The following PDS5B variants were observed in gnomAD, a reference collection of about 807,000 sequenced individuals.
PDS5B encodes the protein sister chromatid cohesion protein PDS5 homolog B.
In PDS5B, 51 loss-of-function variants were observed where a neutral mutation model predicts 184.1. The observed-to-expected ratio is 0.28, with a 90% CI of 0.22 to 0.35. PDS5B has a LOEUF of 0.35. Among genes scored for constraint, PDS5B ranks in the 10% least tolerant of loss-of-function variants. PDS5B has a pLI of 1.00. For missense variants in PDS5B, 1,180 were observed against 1,723.3 expected (o/e 0.68, Z 5.58); for synonymous variants, 566 against 569.2 (o/e 0.99, Z 0.08).
chr13:32,613,576 A>G (rs1396289527), intron 1 of PDS5B, among the ~76,000 whole-genome samples: 1 of 152,112 alleles, frequency 6.6e-6, no homozygotes, highest in Non-Finnish European at 1.5e-5. Flanking sequence ...GCCCATTTTT[A>G]AATTGGGTCA....
At chr13:32,611,564 G>A (rs1023946560) in intron 1 of PDS5B, among the ~76,000 whole-genome samples, 8 of 143,082 alleles carry the variant, frequency 5.6e-5, no homozygotes, top group African/African-American at 2.1e-4. Flanking sequence ...CTGGAGTCCA[G>A]TGGCATGATC....
intron 15 of PDS5B, among the ~76,000 whole-genome samples, chr13:32,698,008 G>T (rs2140861215): frequency 6.6e-6 from 1 of 151,958 alleles, no homozygotes; most frequent in Middle Eastern, 3.4e-3. Flanking sequence ...TTATAGTTTG[G>T]CTATGGATAC....
At chr13:32,629,753 C>T (rs1268550193) in intron 1 of PDS5B, among the ~76,000 whole-genome samples, 2 of 151,760 alleles carry the variant, frequency 1.3e-5, no homozygotes, top group Non-Finnish European at 2.9e-5. Context: ...CATTTCCAGC[C>T]ATATAACCAT....
At chr13:32,692,223 C>G (rs1371784611) in intron 13 of PDS5B, among the ~76,000 whole-genome samples, 4 of 151,900 alleles carry the variant, frequency 2.6e-5, no homozygotes, top group Non-Finnish European at 2.9e-5. Context: ...AGATTTCAGA[C>G]TTTTTATGTG....
intron 1 of PDS5B, among the ~76,000 whole-genome samples, chr13:32,617,875 G>A (rs377071009): frequency 7.2e-5 from 11 of 152,264 alleles, no homozygotes; most frequent in East Asian, 5.8e-4. Context: ...TTAGTCCCAT[G>A]GTGCTGCTAT....
intron 24 of PDS5B, among the ~76,000 whole-genome samples, chr13:32,751,207 G>A (rs577438449): frequency 6.6e-6 from 1 of 152,298 alleles, no homozygotes; most frequent in African/African-American, 2.4e-5. Context: ...AGCACATGTA[G>A]TATTCCATGG....
intron 1 of PDS5B, among the ~76,000 whole-genome samples, chr13:32,626,610 G>GTTTTT (rs58328470): frequency 1.3e-5 from 2 of 148,244 alleles, no homozygotes; most frequent in African/African-American, 4.9e-5. Context: ...CAGTCTTGCT[G>GTTTTT]TTTTTTTTTT....
At chr13:32,634,192 C>T (rs1412484370) in intron 1 of PDS5B, among the ~76,000 whole-genome samples, 2 of 152,126 alleles carry the variant, frequency 1.3e-5, no homozygotes, top group Non-Finnish European at 2.9e-5. Context: ...AATCTCATTT[C>T]TCTTTAAATT....
chr13:32,644,050 G>T (rs1950163823), intron 1 of PDS5B, among the ~76,000 whole-genome samples: 2 of 152,082 alleles, frequency 1.3e-5, no homozygotes, highest in African/African-American at 4.8e-5. Context: ...TTTGTGTGCT[G>T]CCTAGGGCTT....
At chr13:32,687,474 T>C (rs1951430380) in intron 12 of PDS5B, among the ~76,000 whole-genome samples, 189 bp downstream of exon 12, 1 of 152,160 alleles carries the variant, frequency 6.6e-6, no homozygotes, top group Admixed American at 6.5e-5. Context: ...CATATAACTT[T>C]AGGGATGGGT....
intron 19 of PDS5B, among the ~76,000 whole-genome samples, chr13:32,721,220 G>A (rs1013233782): frequency 1.4e-4 from 22 of 151,968 alleles, no homozygotes; most frequent in South Asian, 4.1e-4. Context: ...CGTGGCAGCC[G>A]GGCAGAGGCG....
At chr13:32,756,820 T>A (rs1954196503) in intron 26 of PDS5B, among the ~76,000 whole-genome samples, 1 of 152,072 alleles carries the variant, frequency 6.6e-6, no homozygotes, top group Non-Finnish European at 1.5e-5. Flanking sequence ...TTTCCTTTTT[T>A]AAAAAATAAG....
intron 1 of PDS5B, among the ~76,000 whole-genome samples, chr13:32,623,753 C>T (rs1281575016): frequency 6.6e-6 from 1 of 151,164 alleles, no homozygotes; most frequent in Non-Finnish European, 1.5e-5. Flanking sequence ...TTCATTTTTC[C>T]ACAATCCATT....
At chr13:32,594,324 A>C (rs9595887) in intron 1 of PDS5B, among the ~76,000 whole-genome samples, 2,435 of 152,276 alleles carry the variant, frequency 0.016, 64 homozygotes, top group African/African-American at 0.055. Flanking sequence ...CAAAAATGGG[A>C]TAATTACTGA....
In PDS5B at chr13:32,764,604, T is replaced by A; in HGVS notation, c.3624+10T>A. 1 of 1,429,776 alleles carries A rather than the reference T, an allele frequency of 7.0e-7. No homozygotes were observed. Among genetic ancestry groups the A allele is most frequent in the African/African-American group, 1.4e-5 (1 of 69,852 alleles). The allele number at this position is 1,429,776 out of a possible 1,614,324, so 88.6% of individuals were successfully genotyped here. On this transcript the variant is annotated intron_variant, in intron 31 of 34. Coordinates refer to ENST00000315596, the MANE Select transcript of PDS5B (RefSeq NM_015032.4). ...CTCTGATCTTGTAAGGGTGAGATAT[T>A]TGCATTGATTTTATAATAATATTAA...
At chr13:32,644,238 T>G (rs1487216117) in intron 1 of PDS5B, among the ~76,000 whole-genome samples, 1 of 152,196 alleles carries the variant, frequency 6.6e-6, no homozygotes, top group Non-Finnish European at 1.5e-5. Flanking sequence ...AGGACAATTT[T>G]TTGACTTTAT....
rs571841374 is a variant in PDS5B at position 32,606,831 on chromosome 13, T to C, written c.-20+20238T>C. Among the ~76,000 whole-genome samples the C allele has an allele frequency of 1.2e-4, 18 of 152,340 alleles. 1 individual carries two copies. Among genetic ancestry groups the C allele is most frequent in the African/African-American group, 3.4e-4 (14 of 41,586 alleles). Reference sequence around the variant, plus strand: ...CATTCATTTGATCTTCAATCACTCATACCCTTTCTTCCACTTGATCAGATC... The same window carrying C: ...CATTCATTTGATCTTCAATCACTCACACCCTTTCTTCCACTTGATCAGATC... On this transcript the variant is annotated intron_variant, in intron 1 of 34. Coordinates refer to ENST00000315596, the MANE Select transcript of PDS5B (RefSeq NM_015032.4).
chr13:32,691,743 C>G (rs958342141), intron 13 of PDS5B, among the ~76,000 whole-genome samples: 1 of 152,072 alleles, frequency 6.6e-6, no homozygotes, highest in African/African-American at 2.4e-5. Flanking sequence ...AGTGGAGTTT[C>G]TATGTGCCTT....
At chr13:32,637,193 T>A (rs1406399479) in intron 1 of PDS5B, among the ~76,000 whole-genome samples, 1 of 135,194 alleles carries the variant, frequency 7.4e-6, no homozygotes, top group Admixed American at 7.5e-5. Flanking sequence ...TGGTGTAGAT[T>A]TATGTTGTGG....
Sources: gnomAD v4.1 joint callset for allele counts (sites outside exome capture counted in the v4.1 genomes callset) on GRCh38, gnomAD v4.1.1 for gene constraint, MANE v1.5 for transcripts, NCBI Gene and HGNC (gene_info 2026-07-23, HGNC 2026-07-21) for gene names.